OTULIN: variants seen among roughly 807,000 people sequenced by gnomAD.
The protein encoded by OTULIN is ubiquitin thioesterase otulin.
In OTULIN, 15 loss-of-function variants were observed where a neutral mutation model predicts 39.6. The ratio of observed to expected loss-of-function variants is 0.38; its 90% confidence interval spans 0.25 to 0.58. The LOEUF (loss-of-function observed/expected upper bound fraction) is 0.58, where lower values mean the gene tolerates loss of function less well. Ranked by LOEUF, OTULIN falls within the 20% of genes least tolerant of loss-of-function variation. OTULIN has a pLI of 0.66. For synonymous variants in OTULIN, 156 were observed against 170.3 expected, an observed-to-expected ratio of 0.92 and a Z score of 0.65; for missense variants, 319 against 445.9, an observed-to-expected ratio of 0.72 and a Z score of 2.56.
intron 2 of OTULIN, among the ~76,000 whole-genome samples, chr5:14,677,268 T>A (rs1359484133): frequency 6.6e-6 from 1 of 152,200 alleles, no homozygotes; most frequent in Non-Finnish European, 1.5e-5. Context: ...ATAAGCCCCT[T>A]GAGGATAGAA....
intron 5 of OTULIN, among the ~76,000 whole-genome samples, chr5:14,689,207 G>T (rs1439402189): frequency 6.6e-6 from 1 of 152,128 alleles, no homozygotes; most frequent in Non-Finnish European, 1.5e-5. Context: ...TTGGCAACTT[G>T]GTCTAGTTTG....
intron 2 of OTULIN, among the ~76,000 whole-genome samples, chr5:14,677,148 T>C (rs1263417757): frequency 6.6e-6 from 1 of 152,188 alleles, no homozygotes; most frequent in African/African-American, 2.4e-5. Flanking sequence ...TTTTTTAAAT[T>C]TACCTAAACT....
intron 5 of OTULIN, 41 bp downstream of exon 5, chr5:14,687,687 C>T: frequency 6.5e-7 from 1 of 1,535,450 alleles, no homozygotes. Context: ...GGGTGAAGCT[C>T]TCGTTCTTGC....
chr5:14,707,538 G>C, the OTULIN span: 6 of 152,258 alleles, frequency 3.9e-5, no homozygotes, highest in African/African-American at 1.4e-4. Context: ...AGAGGGCTGG[G>C]AGTGAGCACT....
intron 1 of OTULIN, among the ~76,000 whole-genome samples, chr5:14,672,182 G>T (rs1735995687): frequency 6.6e-6 from 1 of 152,180 alleles, no homozygotes; most frequent in African/African-American, 2.4e-5. Context: ...GCAAATCACA[G>T]ATGTATGGGC....
At chr5:14,703,713 T>C (rs34014677), downstream of OTULIN, among the ~76,000 whole-genome samples, 1,674 of 152,284 alleles carry the variant, frequency 0.011, 10 homozygotes, top group Non-Finnish European at 0.016. Context: ...CTGAACATAC[T>C]TGACCCGATA....
intron 2 of OTULIN, among the ~76,000 whole-genome samples, chr5:14,677,971 A>C (rs537390029): frequency 7.2e-5 from 11 of 152,362 alleles, no homozygotes; most frequent in Non-Finnish European, 1.3e-4. Flanking sequence ...TGCTGAGGAC[A>C]CAACACAACT....
chr5:14,674,559 C>T (rs1736056820), intron 2 of OTULIN, among the ~76,000 whole-genome samples: 3 of 152,058 alleles, frequency 2.0e-5, no homozygotes, highest in South Asian at 2.1e-4. Flanking sequence ...AGTTCGAGAC[C>T]GGCCTGGGCA....
At chr5:14,712,827 C>T in the OTULIN span, 10 of 1,528,862 alleles carry the variant, frequency 6.5e-6, no homozygotes, top group South Asian at 3.6e-5. Flanking sequence ...TTCTCCTGCA[C>T]CCAGGAGGAT....
At chr5:14,688,878 T>G (rs924805246) in intron 5 of OTULIN, among the ~76,000 whole-genome samples, 1 of 152,200 alleles carries the variant, frequency 6.6e-6, no homozygotes, top group Non-Finnish European at 1.5e-5. Context: ...AAATTGCTAT[T>G]TCTGCTTTAT....
rs766763778 is a variant in OTULIN at position 14,690,341 on chromosome 5, A to G, written c.864+33A>G. 5.0e-6 allele frequency: 8 copies of G among 1,599,078 alleles called. No homozygotes were observed. In the South Asian group the frequency reaches 7.8e-5, roughly 16 times the overall value. On this transcript the variant is annotated intron_variant, in intron 6 of 6. Transcript: ENST00000284274. This position sits in a 1 kb window ranked among gnomAD's most constrained non-coding sequence, Gnocchi z 4.5. ...GTGCTTTTGAGCATGTATTACCCCAAAATAAAGCAGCTTTACTGATCAAAC... is the reference window on the plus strand; with the variant it reads ...GTGCTTTTGAGCATGTATTACCCCAGAATAAAGCAGCTTTACTGATCAAAC...
chr5:14,690,075 A>C lies in OTULIN; in HGVS notation c.631A>C (p.Arg211=), dbSNP rs1172445930. ...GLAEMRTAEA[R]QIACDELFTN... is the part of the protein sequence containing the mutation. ...GGCTGAAATGAGAACTGCTGAAGCA[A>C]GACAGATAGCTTGTGATGAACTATT... Residue 211 remains arginine, a synonymous_variant, in exon 6 of 7, where the codon AGA becomes CGA. Coordinates refer to ENST00000284274, the MANE Select transcript of OTULIN (RefSeq NM_138348.6). The surrounding 1 kb of genome is among the most constrained non-coding windows in gnomAD (Gnocchi z 4.5). 1 of 1,614,088 alleles carries C rather than the reference A, an allele frequency of 6.2e-7. No homozygotes were observed. The highest frequency in any genetic ancestry group is 8.5e-7 in the Non-Finnish European group (1 of 1,180,022).
chr5:14,712,688 C>T, the OTULIN span, among the ~76,000 whole-genome samples: 1 of 152,212 alleles, frequency 6.6e-6, no homozygotes, highest in Non-Finnish European at 1.5e-5. Flanking sequence ...CTGCCTTCAG[C>T]TTTTCCCCTT....
chr5:14,671,680 A>G (rs1217790418), intron 1 of OTULIN, among the ~76,000 whole-genome samples: 3 of 152,238 alleles, frequency 2.0e-5, no homozygotes, highest in Non-Finnish European at 2.9e-5. Context: ...CACTGGAAGC[A>G]AAAGCACATG....
chr5:14,677,885 C>T (rs1188770958), intron 2 of OTULIN, among the ~76,000 whole-genome samples: 1 of 152,168 alleles, frequency 6.6e-6, no homozygotes, highest in Non-Finnish European at 1.5e-5. Flanking sequence ...AGTGTTTTCT[C>T]ATAGTTCAGA....
chr5:14,713,590 G>T, the OTULIN span: 1 of 1,614,158 alleles, frequency 6.2e-7, no homozygotes, highest in Non-Finnish European at 8.5e-7. This position sits in a 1 kb window ranked among gnomAD's most constrained non-coding sequence, Gnocchi z 4.4. Flanking sequence ...ACGATGATCC[G>T]CAGCACAGAG....
the OTULIN span, chr5:14,706,896 GTCTA>G: frequency 6.6e-6 from 1 of 152,252 alleles, no homozygotes; most frequent in Non-Finnish European, 1.5e-5. Flanking sequence ...TGAGGGCGAT[GTCTA>G]CAGAATGCAG....
At chr5:14,667,034 C>T (rs17297276) in intron 1 of OTULIN, among the ~76,000 whole-genome samples, 35,191 of 152,078 alleles carry the variant, frequency 0.23, 4,315 homozygotes, top group South Asian at 0.27. Context: ...CCTTTCTTTC[C>T]GCCCAGATAG....
In OTULIN at chr5:14,666,373, A is replaced by G. The variant is rs550750091; in HGVS notation, c.152+1396A>G. ...ACAGGTGCCTCTTCTGTCTGCTGCT[A>G]GTAGAACTATATAGACTTAGAGCTG... On this transcript the variant is annotated intron_variant, in intron 1 of 6. Transcript: ENST00000284274. Among the ~76,000 whole-genome samples, 12 of 152,350 alleles carry G rather than the reference A, an allele frequency of 7.9e-5. 1 individual carries two copies. The South Asian group carries it at 2.5e-3, about 32-fold the overall frequency.
Sources: gnomAD v4.1 joint callset for allele counts (sites outside exome capture counted in the v4.1 genomes callset) on GRCh38, gnomAD v4.1.1 for gene constraint, Gnocchi (gnomAD v3.1) non-coding constraint, MANE v1.5 for transcripts, NCBI Gene and HGNC (gene_info 2026-07-23, HGNC 2026-07-21) for gene names.